CCR3: variants seen among roughly 807,000 people sequenced by gnomAD.
CCR3 encodes the protein C-C motif chemokine receptor 3, also known as C-C chemokine receptor type 3.
For synonymous variants in CCR3, 203 were observed against 179.2 expected, an observed-to-expected ratio of 1.13 and a Z score of -1.06; for missense variants, 419 against 437.5, an observed-to-expected ratio of 0.96 and a Z score of 0.38.
intron 2 of CCR3, among the ~76,000 whole-genome samples, chr3:46,219,622 G>A (rs1699812649): frequency 6.6e-6 from 1 of 152,134 alleles, no homozygotes; most frequent in Admixed American, 6.5e-5. Context: ...CGTGGTACTG[G>A]TATAAAAATA....
At chr3:46,259,800 T>C (rs1320571318) in intron 1 of CCR3, among the ~76,000 whole-genome samples, 2 of 152,188 alleles carry the variant, frequency 1.3e-5, no homozygotes, top group African/African-American at 4.8e-5. Context: ...TTAAATAGGA[T>C]CATAGTTCAC....
intron 2 of CCR3, among the ~76,000 whole-genome samples, chr3:46,215,037 G>A (rs1158086907): frequency 5.9e-5 from 9 of 152,104 alleles, no homozygotes; most frequent in Non-Finnish European, 1.2e-4. Context: ...CTAAGTGCTC[G>A]CAAGAATGGG....
intron 1 of CCR3, among the ~76,000 whole-genome samples, chr3:46,246,454 T>G (rs1700192290): frequency 6.6e-6 from 1 of 151,740 alleles, no homozygotes; most frequent in Non-Finnish European, 1.5e-5. Flanking sequence ...GGGGGTTTGT[T>G]CTCTGGCGGG....
At chr3:46,253,349 G>T (rs867367777) in intron 1 of CCR3, among the ~76,000 whole-genome samples, 3 of 152,122 alleles carry the variant, frequency 2.0e-5, no homozygotes, top group African/African-American at 7.2e-5. Flanking sequence ...GGGAGGCTTT[G>T]CAGGGAGTCA....
chr3:46,215,294 G>A (rs1170326530), intron 2 of CCR3, among the ~76,000 whole-genome samples: 1 of 152,130 alleles, frequency 6.6e-6, no homozygotes, highest in Non-Finnish European at 1.5e-5. Flanking sequence ...AGTTAGGTAG[G>A]GCCTGGAAGT....
chr3:46,266,538 G>A lies in CCR3; in HGVS notation c.*312G>A, dbSNP rs200693393. ...TAGTTACTATATGCCGCTACAAAAA[G>A]GTAAAACTTTTTATATTTTATACAT... On this transcript the variant is annotated 3_prime_UTR_variant, in exon 2 of 2. Transcript: ENST00000395940. 5.0e-5 allele frequency: 13 copies of A among 260,178 alleles called. No homozygotes were observed. The highest frequency in any genetic ancestry group is 2.5e-4 in the African/African-American group (11 of 44,758). The allele number at this position is 260,178 out of a possible 1,614,324, so 16.1% of individuals were successfully genotyped here.
Position 46,265,654 on chromosome 3 carries a change from C to G in CCR3, c.496C>G (p.Leu166Val), listed in dbSNP as rs1700612866. 1 of 1,614,010 alleles carries G rather than the reference C, an allele frequency of 6.2e-7. No individual in the cohort carries two copies. Among genetic ancestry groups the G allele is most frequent in the Non-Finnish European group, 8.5e-7 (1 of 1,180,016 alleles). Residue 166 changes from leucine (L) to valine (V), a missense_variant, in exon 2 of 2, where the codon CTT (leucine) becomes GTT (valine). By Grantham distance (32) the Leu-to-Val change is conservative (BLOSUM62 1). Transcript: ENST00000395940. ...CTGGGGCCTGGCAGTGCTAGCAGCT[C>G]TTCCTGAATTTATCTTCTATGAGAC... The part of the protein sequence containing the change: ...VTWGLAVLAA[L>V]PEFIFYETEE...
intron 2 of CCR3, among the ~76,000 whole-genome samples, chr3:46,211,062 A>T (rs1446682555): frequency 1.3e-5 from 2 of 152,192 alleles, no homozygotes; most frequent in Non-Finnish European, 2.9e-5. Flanking sequence ...TCTGAGAACT[A>T]GAATCCCTGG....
intron 2 of CCR3, among the ~76,000 whole-genome samples, chr3:46,231,591 T>C (rs974986412): frequency 1.3e-5 from 2 of 152,228 alleles, no homozygotes; most frequent in African/African-American, 4.8e-5. Flanking sequence ...CTGCATCGTA[T>C]ACTTAAAAAT....
intron 1 of CCR3, among the ~76,000 whole-genome samples, chr3:46,243,690 A>T (rs1662194330): frequency 6.6e-6 from 1 of 152,232 alleles, no homozygotes; most frequent in African/African-American, 2.4e-5. Context: ...AGCTCTTTCC[A>T]GAAAATGGTG....
intron 2 of CCR3, among the ~76,000 whole-genome samples, chr3:46,237,044 A>G (rs1485993541): frequency 1.3e-5 from 2 of 152,332 alleles, no homozygotes; most frequent in East Asian, 3.9e-4. Flanking sequence ...TGCAAATGGC[A>G]TGATTTCATT....
intron 1 of CCR3, among the ~76,000 whole-genome samples, chr3:46,246,952 C>G (rs533345068): frequency 3.2e-4 from 48 of 151,542 alleles, no homozygotes; most frequent in Admixed American, 3.0e-3. Context: ...AAACATTTGT[C>G]GTATAGAATG....
At chr3:46,228,598 G>A (rs1247025688) in intron 2 of CCR3, among the ~76,000 whole-genome samples, 1 of 152,170 alleles carries the variant, frequency 6.6e-6, no homozygotes, top group Non-Finnish European at 1.5e-5. Flanking sequence ...TGATATTCAA[G>A]GCTCTCATGG....
intron 2 of CCR3, chr3:46,210,941 G>A (rs1699703940): frequency 6.6e-6 from 1 of 152,228 alleles, no homozygotes; most frequent in Non-Finnish European, 1.5e-5. Flanking sequence ...CGCTATGTTA[G>A]AGTCACATGG....
chr3:46,259,408 A>C (rs1700483649), intron 1 of CCR3, among the ~76,000 whole-genome samples: 1 of 152,188 alleles, frequency 6.6e-6, no homozygotes, highest in African/African-American at 2.4e-5. Context: ...GATATACAAC[A>C]TTTTGGCTGA....
intron 1 of CCR3, among the ~76,000 whole-genome samples, chr3:46,243,023 T>TATATATATATACACA (rs1700123595): frequency 1.5e-5 from 1 of 67,080 alleles, no homozygotes; most frequent in Non-Finnish European, 2.7e-5. Context: ...ACATACATTT[T>TATATATATATACACA]TATATATACA....
upstream of CCR3, among the ~76,000 whole-genome samples, chr3:46,241,772 C>T (rs1700089133): frequency 6.6e-6 from 1 of 152,176 alleles, no homozygotes; most frequent in Admixed American, 6.5e-5. Flanking sequence ...CAAGTGTCTA[C>T]TGGACCCTGC....
chr3:46,252,920 T>A (rs1303088999), intron 1 of CCR3, among the ~76,000 whole-genome samples: 2 of 147,230 alleles, frequency 1.4e-5, no homozygotes, highest in Admixed American at 1.4e-4. Flanking sequence ...CTCAGGGATT[T>A]AAAAAAAAAA....
At chr3:46,243,189 T>C (rs1575497000) in intron 1 of CCR3, among the ~76,000 whole-genome samples, 1 of 151,902 alleles carries the variant, frequency 6.6e-6, no homozygotes, top group Non-Finnish European at 1.5e-5. Context: ...CCTAGATTAC[T>C]TGTAATACCT....
Sources: allele counts gnomAD v4.1 joint callset (sites outside exome capture counted in the v4.1 genomes callset), GRCh38; gene constraint gnomAD v4.1.1; transcripts MANE v1.5; gene names NCBI Gene and HGNC (gene_info 2026-07-23, HGNC 2026-07-21).